The following ARID1B variants were observed in gnomAD, a reference collection of about 807,000 sequenced individuals.
ARID1B encodes the protein AT-rich interaction domain 1B.
ARID1B carries 30 observed loss-of-function variants against 212.3 expected under a neutral mutation model. The ratio of observed to expected loss-of-function variants is 0.14; its 90% CI spans 0.11 to 0.19. The LOEUF is 0.19. ARID1B is among the 10% of genes least tolerant of loss of function. The pLI is 1.00. For missense variants in ARID1B, 2,891 were observed against 3,204.0 expected (o/e 0.90, Z 2.36); for synonymous variants, 1,402 against 1,301.7 (o/e 1.08, Z -1.66).
At chr6:156,964,428 C>T (rs1183720676) in intron 4 of ARID1B, among the ~76,000 whole-genome samples, 2 of 152,178 alleles carry the variant, frequency 1.3e-5, no homozygotes, top group Admixed American at 6.5e-5. Context: ...CTGCTAATTT[C>T]TTCTGGAAAA....
At chr6:156,799,021 T>C (rs1463683270) in intron 1 of ARID1B, among the ~76,000 whole-genome samples, 1 of 152,192 alleles carries the variant, frequency 6.6e-6, no homozygotes, top group African/African-American at 2.4e-5. Context: ...CTACCATATA[T>C]TTATAAAAAA....
intron 4 of ARID1B, among the ~76,000 whole-genome samples, chr6:157,039,660 T>A (rs1583196437): frequency 4.5e-5 from 4 of 89,228 alleles, no homozygotes; most frequent in African/African-American, 1.8e-4. Context: ...CTTCCTTCCT[T>A]CCTTCCTTCC....
intron 4 of ARID1B, among the ~76,000 whole-genome samples, chr6:157,044,872 G>A (rs1029273170): frequency 1.3e-5 from 2 of 152,172 alleles, no homozygotes; most frequent in African/African-American, 2.4e-5. Context: ...AGAGAGAGGC[G>A]TCCATCTTAA....
chr6:157,205,054 C>T (rs1794352244), intron 19 of ARID1B: 1 of 152,134 alleles, frequency 6.6e-6, no homozygotes, highest in Non-Finnish European at 1.5e-5. Context: ...TAGAGTAATG[C>T]GCTTTCATCC....
intron 3 of ARID1B, among the ~76,000 whole-genome samples, chr6:156,931,893 T>TGGAGATTGCGGTGAGC (rs1283245941): frequency 2.2e-5 from 3 of 133,406 alleles, no homozygotes; most frequent in Non-Finnish European, 4.7e-5. Context: ...ACCCGGGAGG[T>TGGAGATTGCGGTGAGC]GGAGATTGCG....
rs762717055 is a variant in ARID1B at position 157,082,462 on chromosome 6, A to G, written c.2248-2200A>G. Among the ~76,000 whole-genome samples, 9 of 152,184 alleles carry G rather than the reference A, an allele frequency of 5.9e-5. 1 individual carries two copies. The highest frequency in any genetic ancestry group is 8.8e-5 in the Non-Finnish European group (6 of 68,034). On this transcript the variant is annotated intron_variant, in intron 4 of 19. Transcript: ENST00000636930. Reference sequence around the variant, plus strand: ...AACCATGCATCTCACGTGCCCTTACATTTCTGCTAATCATAAGGATTAGCA... The same window carrying G: ...AACCATGCATCTCACGTGCCCTTACGTTTCTGCTAATCATAAGGATTAGCA...
chr6:156,840,620 G>A (rs938819833), intron 2 of ARID1B, among the ~76,000 whole-genome samples: 2 of 152,210 alleles, frequency 1.3e-5, no homozygotes, highest in African/African-American at 4.8e-5. Context: ...ATTCTCCAAA[G>A]CTTTCATAGT....
At chr6:156,871,379 A>G (rs1198898575) in intron 2 of ARID1B, among the ~76,000 whole-genome samples, 5 of 152,232 alleles carry the variant, frequency 3.3e-5, no homozygotes, top group African/African-American at 7.2e-5. Flanking sequence ...CACTTATGCT[A>G]TGGGCAGTCT....
At position 157,125,645 on chromosome 6, in the gene ARID1B, G is replaced by T. The variant is rs904197113; in HGVS notation, c.2582-7383G>T. Among the ~76,000 whole-genome samples, 6 of 152,286 alleles carry T rather than the reference G, an allele frequency of 3.9e-5. No individual in the cohort carries two copies. In the South Asian group the frequency reaches 1.2e-3, roughly 32 times the overall value. On this transcript the variant is annotated intron_variant, in intron 6 of 19. Coordinates refer to ENST00000636930, the MANE Select transcript of ARID1B (RefSeq NM_001374828.1). ...CTTCCACCATCCCAGTCTAAATTGG[G>T]TCTTCCCCTGATACTCTCATAGCAC...
At chr6:157,066,095 A>T (rs1783660708) in intron 4 of ARID1B, among the ~76,000 whole-genome samples, 2 of 152,198 alleles carry the variant, frequency 1.3e-5, no homozygotes, top group South Asian at 4.1e-4. Flanking sequence ...CCATTTGTTT[A>T]GTCTCCCCAC....
chr6:156,869,781 G>GA (rs1444160430), intron 2 of ARID1B, among the ~76,000 whole-genome samples: 13 of 151,704 alleles, frequency 8.6e-5, no homozygotes, highest in East Asian at 5.8e-4. Context: ...GATTCTTAAG[G>GA]AAAAAAAAGA....
At chr6:156,845,460 G>T (rs1405905850) in intron 2 of ARID1B, among the ~76,000 whole-genome samples, 1 of 152,074 alleles carries the variant, frequency 6.6e-6, no homozygotes, top group African/African-American at 2.4e-5. Flanking sequence ...GGAGATGTGC[G>T]TGTCTCTGCT....
In ARID1B at chr6:157,207,453, A is replaced by G. The variant is rs917310591; in HGVS notation, c.6681A>G (p.Pro2227=). 2 of 1,614,122 alleles carry G rather than the reference A, an allele frequency of 1.2e-6. No individual in the cohort carries two copies. The highest frequency in any genetic ancestry group is 2.2e-5 in the East Asian group (1 of 44,882). The change falls in exon 20 of 20, where the codon CCA becomes CCG. Residue 2227 remains proline, a synonymous_variant. Transcript: ENST00000636930. The surrounding 1 kb of genome is among the most constrained non-coding windows in gnomAD (Gnocchi z 8.5). ...NNVDLILATP[P]FSRQEKFYAT... is the part of the protein sequence containing the mutation. ...TGGACCTGATCTTGGCCACTCCTCC[A>G]TTTAGTCGTCAGGAGAAATTCTATG...
intron 6 of ARID1B, among the ~76,000 whole-genome samples, chr6:157,117,649 T>C (rs2128539808): frequency 6.6e-6 from 1 of 152,326 alleles, no homozygotes; most frequent in South Asian, 2.1e-4. Context: ...CAGCAGAGAC[T>C]GAGCCAAACA....
intron 4 of ARID1B, among the ~76,000 whole-genome samples, chr6:157,068,005 C>T (rs933194983): frequency 6.6e-6 from 1 of 152,186 alleles, no homozygotes; most frequent in South Asian, 2.1e-4. Flanking sequence ...AACTATTTAT[C>T]ACTTCATATG....
intron 1 of ARID1B, among the ~76,000 whole-genome samples, chr6:156,821,194 A>T (rs1782328648): frequency 6.6e-6 from 1 of 152,234 alleles, no homozygotes; most frequent in South Asian, 2.1e-4. Context: ...AACTTCTTCT[A>T]CTAGGGTCAA....
At chr6:156,969,874 A>C (rs996158916) in intron 4 of ARID1B, among the ~76,000 whole-genome samples, 1 of 138,426 alleles carries the variant, frequency 7.2e-6, no homozygotes, top group Non-Finnish European at 1.6e-5. Flanking sequence ...TGTCTTGTTT[A>C]TTTCTTATTA....
chr6:156,813,752 G>C (rs545780692), intron 1 of ARID1B, among the ~76,000 whole-genome samples: 2 of 152,258 alleles, frequency 1.3e-5, no homozygotes, highest in Admixed American at 1.3e-4. Context: ...CATATATTAG[G>C]CTTTCATAAG....
chr6:157,152,990 G>A (rs764401980), intron 8 of ARID1B, among the ~76,000 whole-genome samples: 1 of 152,200 alleles, frequency 6.6e-6, no homozygotes, highest in African/African-American at 2.4e-5. Context: ...GTGAGTGTGT[G>A]TCTGCAATTA....
Sources: gnomAD v4.1 joint callset for allele counts (sites outside exome capture counted in the v4.1 genomes callset) on GRCh38, gnomAD v4.1.1 for gene constraint, Gnocchi (gnomAD v3.1) non-coding constraint, MANE v1.5 for transcripts, NCBI Gene and HGNC (gene_info 2026-07-23, HGNC 2026-07-21) for gene names.